PINX1: variants seen among roughly 807,000 people sequenced by gnomAD.
PINX1 encodes the protein PIN2/TERF1-interacting telomerase inhibitor 1.
Under a neutral mutation model 25.4 loss-of-function variants are expected in PINX1, and 34 were observed. The observed-to-expected ratio is 1.34, with a 90% CI of 1.02 to 1.78. The LOEUF is 1.78. Among genes scored for constraint, PINX1 ranks in the 40% most tolerant of loss-of-function variants. The pLI, the probability that PINX1 is intolerant of heterozygous loss-of-function variation, is 0.00. For missense variants in PINX1, 592 were observed against 404.9 expected (o/e 1.46, Z -3.97); for synonymous variants, 197 against 147.7 (o/e 1.33, Z -2.42).
At chr8:10,802,932 T>A (rs1314713391) in intron 6 of PINX1, among the ~76,000 whole-genome samples, 2 of 152,160 alleles carry the variant, frequency 1.3e-5, no homozygotes, top group Non-Finnish European at 2.9e-5. Flanking sequence ...AGAAATAAAC[T>A]AGGACATATG....
chr8:10,829,377 C>A (rs530502340), intron 4 of PINX1, among the ~76,000 whole-genome samples: 1 of 151,420 alleles, frequency 6.6e-6, no homozygotes, highest in Non-Finnish European at 1.5e-5. Flanking sequence ...TGGCCTTAAT[C>A]GTGGTTTATG....
chr8:10,822,861 A>G (rs7015820), intron 5 of PINX1, among the ~76,000 whole-genome samples: 8,152 of 152,338 alleles, frequency 0.054, 249 homozygotes, highest in South Asian at 0.079. Flanking sequence ...TAAAATAAAA[A>G]AACACTTAAG....
At chr8:10,810,317 C>T (rs1024736890) in intron 6 of PINX1, among the ~76,000 whole-genome samples, 4 of 152,192 alleles carry the variant, frequency 2.6e-5, no homozygotes, top group Non-Finnish European at 5.9e-5. Context: ...TATTCCTGGA[C>T]CCCACTGGCA....
chr8:10,826,171 G>C lies in PINX1; in HGVS notation c.375C>G (p.His125Gln), dbSNP rs1381957599. 1 of 1,573,538 alleles carries C rather than the reference G, an allele frequency of 6.4e-7. No individual in the cohort carries two copies. The highest frequency in any genetic ancestry group is 8.7e-7 in the Non-Finnish European group (1 of 1,146,774). ...TCTTACCTTTTGTGAATTTCATATA[G>C]TGAACACGGTTTTTGGAGATTTTGG... ...EKSKISKNRV[H>Q]YMKFTKGKDL... Residue 125 changes from histidine to glutamine, a missense_variant, in exon 5 of 7, where the codon CAC becomes CAG. His to Gln is a conservative substitution (Grantham distance 24). Coordinates refer to ENST00000314787, the MANE Select transcript of PINX1 (RefSeq NM_017884.6).
At chr8:10,835,280 A>G (rs1395447708) in intron 1 of PINX1, among the ~76,000 whole-genome samples, 1 of 152,200 alleles carries the variant, frequency 6.6e-6, no homozygotes, top group African/African-American at 2.4e-5. Flanking sequence ...TTTTCACAGT[A>G]CCCCAACGAG....
At chr8:10,771,051 T>C (rs1224615040) in intron 6 of PINX1, 1 of 152,228 alleles carries the variant, frequency 6.6e-6, no homozygotes, top group Non-Finnish European at 1.5e-5. Context: ...AGCCTGTCTG[T>C]CATCAGCCTG....
At chr8:10,810,258 T>C (rs1191948257) in intron 6 of PINX1, among the ~76,000 whole-genome samples, 3 of 152,094 alleles carry the variant, frequency 2.0e-5, no homozygotes, top group Non-Finnish European at 4.4e-5. Flanking sequence ...GACACTACTG[T>C]TTCCTTCCTT....
intron 6 of PINX1, among the ~76,000 whole-genome samples, chr8:10,788,232 T>C (rs1351818130): frequency 1.3e-5 from 2 of 152,194 alleles, no homozygotes; most frequent in African/African-American, 4.8e-5. Flanking sequence ...TCTACTTTTA[T>C]ACACATGTAA....
At chr8:10,823,878 T>C (rs1797952322) in intron 5 of PINX1, among the ~76,000 whole-genome samples, 1 of 152,148 alleles carries the variant, frequency 6.6e-6, no homozygotes, top group Admixed American at 6.5e-5. Flanking sequence ...AGTAGCAAAT[T>C]TTACAACACT....
At chr8:10,788,119 G>C (rs1486583532) in intron 6 of PINX1, among the ~76,000 whole-genome samples, 1 of 152,180 alleles carries the variant, frequency 6.6e-6, no homozygotes, top group Non-Finnish European at 1.5e-5. Flanking sequence ...AATTGCTTCA[G>C]TAATGGGAAA....
chr8:10,766,480 A>C (rs1387902899), intron 6 of PINX1, among the ~76,000 whole-genome samples: 4 of 152,252 alleles, frequency 2.6e-5, no homozygotes, highest in African/African-American at 7.2e-5. Flanking sequence ...TTCTCCCCCA[A>C]AGGTGGAGCG....
chr8:10,770,095 G>C (rs901119828), intron 6 of PINX1, among the ~76,000 whole-genome samples: 2 of 152,192 alleles, frequency 1.3e-5, no homozygotes, highest in Non-Finnish European at 1.5e-5. Context: ...ACTTGAAAAA[G>C]TTTGACTGTT....
chr8:10,821,544 A>G lies in PINX1; in HGVS notation c.395-1275T>C, dbSNP rs549677003. 3.9e-5 allele frequency among the ~76,000 whole-genome samples: 6 copies of G among 152,330 alleles called. No homozygotes were observed. The South Asian group carries it at 1.0e-3, about 26-fold the overall frequency. ...AATAGGACCTACACAAAAAGACCCAAAAGAAAACCTACTTAAGAATAGACG... is the reference window on the plus strand; with the variant it reads ...AATAGGACCTACACAAAAAGACCCAGAAGAAAACCTACTTAAGAATAGACG... On this transcript the variant is annotated intron_variant, in intron 5 of 6. Transcript: ENST00000314787.
rs537918043 is a variant in PINX1 at position 10,814,729 on chromosome 8, C to T, written c.471+5464G>A. 2.6e-5 allele frequency among the ~76,000 whole-genome samples: 4 copies of T among 152,164 alleles called. No homozygotes were observed. The South Asian group carries it at 8.3e-4, about 32-fold the overall frequency. On this transcript the variant is annotated intron_variant, in intron 6 of 6. Transcript: ENST00000314787. ...ATATCAACCATGATGCTATACAAAC[C>T]ATGATTTTTATGGCAACAAAGTCCA...
chr8:10,811,063 A>C (rs1797506230), intron 6 of PINX1, among the ~76,000 whole-genome samples: 1 of 152,266 alleles, frequency 6.6e-6, no homozygotes, highest in Admixed American at 6.5e-5. Flanking sequence ...TCTCAACAGC[A>C]GCAGCAGCTA....
At chr8:10,833,815 T>C (rs956472554) in intron 2 of PINX1, 1 of 157,814 alleles carries the variant, frequency 6.3e-6, no homozygotes, top group Non-Finnish European at 1.4e-5. Flanking sequence ...GAATCAAGCA[T>C]GACTGTCAGG....
At chr8:10,799,105 AAC>A (rs1802181262) in intron 6 of PINX1, among the ~76,000 whole-genome samples, 2 of 147,336 alleles carry the variant, frequency 1.4e-5, no homozygotes, top group Admixed American at 6.7e-5. Context: ...ATTTCAATAA[AAC>A]ACAGTATTTA....
intron 5 of PINX1, chr8:10,825,559 T>C (rs1012215989): frequency 2.1e-6 from 1 of 476,484 alleles, no homozygotes; most frequent in Non-Finnish European, 4.3e-6. Flanking sequence ...TTTCACATAC[T>C]GGGAAGGGGC....
At chr8:10,799,959 A>G (rs911182795) in intron 6 of PINX1, among the ~76,000 whole-genome samples, 1 of 152,198 alleles carries the variant, frequency 6.6e-6, no homozygotes, top group African/African-American at 2.4e-5. Context: ...AGGCTCAGAA[A>G]GGTTAAATTC....
Sources: allele counts gnomAD v4.1 joint callset (sites outside exome capture counted in the v4.1 genomes callset), GRCh38; gene constraint gnomAD v4.1.1; transcripts MANE v1.5; gene names NCBI Gene and HGNC (gene_info 2026-07-23, HGNC 2026-07-21).